FRMD4A: variants seen among roughly 807,000 people sequenced by gnomAD.
FRMD4A encodes the protein FERM domain containing 4A.
In FRMD4A, 29 loss-of-function variants were observed where a neutral mutation model predicts 129.1. That is an observed-to-expected ratio of 0.22 (90% CI 0.17 to 0.31). The LOEUF (loss-of-function observed/expected upper bound fraction) is 0.31. Among genes scored for constraint, FRMD4A ranks in the 10% least tolerant of loss-of-function variants. The pLI, the probability that FRMD4A is intolerant of heterozygous loss-of-function variation, is 1.00. For synonymous variants in FRMD4A, 634 were observed against 571.6 expected (o/e 1.11, Z -1.56); for missense variants, 1,272 against 1,375.8 (o/e 0.92, Z 1.19).
chr10:13,828,520 CTTCT>C (rs60375431), intron 3 of FRMD4A, among the ~76,000 whole-genome samples: 23 of 140,194 alleles, frequency 1.6e-4, no homozygotes, highest in South Asian at 2.4e-4. Flanking sequence ...ACCATGTTTT[CTTCT>C]TTCTTTCTTT....
chr10:13,775,850 A>C (rs936749332), intron 6 of FRMD4A, among the ~76,000 whole-genome samples: 8 of 152,202 alleles, frequency 5.3e-5, no homozygotes, highest in African/African-American at 1.7e-4. Context: ...TAGACATCTG[A>C]GAATCTGTAG....
Position 14,279,276 on chromosome 10 carries a change from C to T in FRMD4A, c.45+50782G>A, listed in dbSNP as rs186972077. Among the ~76,000 whole-genome samples the T allele has an allele frequency of 6.7e-4, 101 of 150,782 alleles. 1 individual carries two copies. In the East Asian group the frequency reaches 0.017, roughly 25 times the overall value. On this transcript the variant is annotated intron_variant, in intron 2 of 24. Coordinates refer to ENST00000357447, the MANE Select transcript of FRMD4A (RefSeq NM_018027.5). ...CCATCCTGGCTCACTGCAACCTCCG[C>T]CTCCCAGGTTCATGCAGTTCTTGTG... is the stretch of plus-strand genomic sequence containing the variant.
intron 18 of FRMD4A, among the ~76,000 whole-genome samples, chr10:13,664,567 G>A (rs551268544): frequency 7.2e-5 from 11 of 152,206 alleles, no homozygotes; most frequent in Middle Eastern, 3.4e-3. Flanking sequence ...CTCTGACTTC[G>A]GCATCTTGGA....
rs112628687 is a variant in FRMD4A, at chr10:14,309,054, T to C, written c.45+21004A>G. Among the ~76,000 whole-genome samples the C allele has an allele frequency of 5.7e-3, 867 of 152,328 alleles. 11 individuals are homozygous for C. Among genetic ancestry groups the C allele is most frequent in the African/African-American group, 0.02 (845 of 41,560 alleles). On this transcript the variant is annotated intron_variant, in intron 2 of 24. Coordinates refer to ENST00000357447, the MANE Select transcript of FRMD4A (RefSeq NM_018027.5). ...TGTTGAAAAAATAAAAAGCACTTTA[T>C]GTAAGCCTAGATTCAAACCACAATC...
At chr10:13,971,782 A>G (rs2095520091) in intron 2 of FRMD4A, 1 of 1,304,230 alleles carries the variant, frequency 7.7e-7, no homozygotes. Context: ...CCTCAGAGCC[A>G]AGCAGCCCAG....
At chr10:14,036,500 G>A (rs558124785) in intron 2 of FRMD4A, among the ~76,000 whole-genome samples, 1 of 152,324 alleles carries the variant, frequency 6.6e-6, no homozygotes, top group Admixed American at 6.5e-5. Flanking sequence ...AGTGATGCTT[G>A]TTTCACTTCT....
At chr10:14,268,195 G>A (rs1845044879) in intron 2 of FRMD4A, among the ~76,000 whole-genome samples, 1 of 151,982 alleles carries the variant, frequency 6.6e-6, no homozygotes, top group Non-Finnish European at 1.5e-5. Flanking sequence ...TATTTGTTTT[G>A]TTTTGTTTTG....
intron 12 of FRMD4A, among the ~76,000 whole-genome samples, chr10:13,717,591 G>A (rs1392895089): frequency 2.7e-5 from 4 of 149,072 alleles, no homozygotes; most frequent in African/African-American, 7.5e-5. Context: ...TAGAATTACA[G>A]GCATGAGCCA....
At chr10:13,698,343 T>C (rs1158306355) in intron 14 of FRMD4A, among the ~76,000 whole-genome samples, 1 of 152,128 alleles carries the variant, frequency 6.6e-6, no homozygotes, top group East Asian at 1.9e-4. Flanking sequence ...CAGTAGAGTG[T>C]GAGCAGTGGC....
At chr10:14,320,800 T>C (rs920182134) in intron 2 of FRMD4A, among the ~76,000 whole-genome samples, 3 of 152,328 alleles carry the variant, frequency 2.0e-5, no homozygotes, top group Middle Eastern at 3.4e-3. Context: ...TTACCAAATA[T>C]ATCGAGAAGA....
chr10:14,084,890 T>C (rs1836169364), intron 2 of FRMD4A, among the ~76,000 whole-genome samples: 1 of 152,262 alleles, frequency 6.6e-6, no homozygotes, highest in African/African-American at 2.4e-5. Flanking sequence ...TTCTGCCTCC[T>C]GGCTGACCCT....
intron 2 of FRMD4A, among the ~76,000 whole-genome samples, chr10:14,016,076 T>G (rs1028467596): frequency 1.3e-5 from 2 of 152,212 alleles, no homozygotes; most frequent in African/African-American, 4.8e-5. Context: ...CTCCTCTCTG[T>G]GATGAGGCGT....
intron 3 of FRMD4A, among the ~76,000 whole-genome samples, chr10:13,814,635 A>AAAAG (rs936925767): frequency 6.3e-4 from 94 of 149,446 alleles, no homozygotes; most frequent in African/African-American, 2.2e-3. Context: ...AGAGAGAAAA[A>AAAAG]AAAGAAAGAA....
intron 24 of FRMD4A, among the ~76,000 whole-genome samples, chr10:13,650,632 G>C (rs2081496058): frequency 6.6e-6 from 1 of 152,134 alleles, no homozygotes; most frequent in Non-Finnish European, 1.5e-5. Context: ...CACTGGGGCT[G>C]GGGGAGGGGG....
chr10:13,828,512 C>T (rs1443376470), intron 3 of FRMD4A, among the ~76,000 whole-genome samples: 1 of 131,506 alleles, frequency 7.6e-6, no homozygotes, highest in African/African-American at 2.9e-5. Flanking sequence ...ATATGTATAC[C>T]ATGTTTTCTT....
chr10:13,749,711 AG>A (rs1422999442), intron 8 of FRMD4A, among the ~76,000 whole-genome samples: 2 of 152,092 alleles, frequency 1.3e-5, no homozygotes, highest in African/African-American at 4.8e-5. Flanking sequence ...GAATGAGGCC[AG>A]GCGTGGTGGC....
chr10:13,784,699 C>T (rs1390243619), intron 5 of FRMD4A, among the ~76,000 whole-genome samples: 1 of 152,078 alleles, frequency 6.6e-6, no homozygotes, highest in Non-Finnish European at 1.5e-5. Context: ...AAGGATTTAT[C>T]CATAATTGGC....
At chr10:13,706,079 C>T (rs959438648) in intron 13 of FRMD4A, among the ~76,000 whole-genome samples, 1 of 152,182 alleles carries the variant, frequency 6.6e-6, no homozygotes, top group Admixed American at 6.5e-5. Flanking sequence ...GCATCAGAAG[C>T]CATGTGTGAG....
At chr10:13,692,999 A>ACTAC (rs1475760802) in intron 15 of FRMD4A, 1 of 149,922 alleles carries the variant, frequency 6.7e-6, no homozygotes, top group African/African-American at 2.5e-5. Context: ...AGTAGCTGGG[A>ACTAC]CTACAGGTGC....
Sources: gnomAD v4.1 joint callset for allele counts (sites outside exome capture counted in the v4.1 genomes callset) on GRCh38, gnomAD v4.1.1 for gene constraint, MANE v1.5 for transcripts, NCBI Gene and HGNC (gene_info 2026-07-23, HGNC 2026-07-21) for gene names.